The following BIN3 variants were observed in gnomAD, a reference collection of about 807,000 sequenced individuals.
BIN3 encodes bridging integrator 3.
BIN3 carries 41 observed loss-of-function variants against 38.2 expected under a neutral mutation model. That is an observed-to-expected ratio of 1.07 (90% CI 0.84 to 1.39). BIN3 has a LOEUF of 1.39. Ranked by LOEUF, BIN3 falls within the 40% of genes most tolerant of loss-of-function variation. The pLI is 0.00. For missense variants in BIN3, 361 were observed against 324.3 expected (o/e 1.11, Z -0.87); for synonymous variants, 145 against 122.6 (o/e 1.18, Z -1.21).
In BIN3 at chr8:22,621,066, A is replaced by G; in HGVS notation, c.*356T>C. On this transcript the variant is annotated 3_prime_UTR_variant, in exon 9 of 9. Coordinates refer to ENST00000276416, the MANE Select transcript of BIN3 (RefSeq NM_018688.6). ...GATGGGTCTTTTGGAGGTAGATTTG[A>G]TGCCCACAACGCATGCAAGGCTAAG... The G allele has an allele frequency of 5.0e-6, 1 of 199,914 alleles. No homozygotes were observed. Among genetic ancestry groups the G allele is most frequent in the East Asian group, 1.3e-4 (1 of 7,632 alleles). 12.4% of individuals were successfully genotyped at this position (199,914 alleles called of 1,614,324 possible).
intron 2 of BIN3, among the ~76,000 whole-genome samples, chr8:22,641,335 G>C (rs1018064408): frequency 6.6e-6 from 1 of 152,198 alleles, no homozygotes; most frequent in Non-Finnish European, 1.5e-5. Flanking sequence ...GCCCACGGTG[G>C]GAGGAAAGGG....
At chr8:22,645,066 A>G (rs924483391) in intron 1 of BIN3, among the ~76,000 whole-genome samples, 2 of 152,160 alleles carry the variant, frequency 1.3e-5, no homozygotes, top group African/African-American at 2.4e-5. Flanking sequence ...TCTGTCATTT[A>G]AAGAAAATGA....
intron 1 of BIN3, among the ~76,000 whole-genome samples, chr8:22,659,259 T>TA (rs1273391791): frequency 6.6e-6 from 1 of 152,220 alleles, no homozygotes; most frequent in Non-Finnish European, 1.5e-5. Context: ...TTCCAGTGCC[T>TA]ATGACCACAG....
chr8:22,663,209 T>C (rs1405133542), intron 1 of BIN3, among the ~76,000 whole-genome samples: 2 of 82,274 alleles, frequency 2.4e-5, no homozygotes. Context: ...CAAGTATAAG[T>C]GTGTGTGTGT....
intron 3 of BIN3, 46 bp from the exon 4 acceptor site, chr8:22,636,632 T>C: frequency 6.5e-7 from 1 of 1,540,568 alleles, no homozygotes; most frequent in Non-Finnish European, 8.8e-7. Context: ...TCCTTCCCCC[T>C]ACCTGAGCGA....
chr8:22,663,569 C>T (rs568283699), intron 1 of BIN3, among the ~76,000 whole-genome samples: 26 of 152,194 alleles, frequency 1.7e-4, no homozygotes, highest in African/African-American at 3.9e-4. Context: ...TTGGCCATGC[C>T]ACTTCCCTGC....
chr8:22,642,222 G>A (rs1229267343), intron 2 of BIN3, among the ~76,000 whole-genome samples: 1 of 152,050 alleles, frequency 6.6e-6, no homozygotes, highest in Non-Finnish European at 1.5e-5. Context: ...AGCCACAGCT[G>A]CTCCCCTCCC....
chr8:22,657,144 C>A (rs1803081525), intron 1 of BIN3, among the ~76,000 whole-genome samples: 1 of 152,210 alleles, frequency 6.6e-6, no homozygotes, highest in African/African-American at 2.4e-5. Context: ...TGATCTCATG[C>A]AGCTTATAGT....
At chr8:22,631,278 C>G (rs780161484) in intron 4 of BIN3, among the ~76,000 whole-genome samples, 24 of 152,194 alleles carry the variant, frequency 1.6e-4, no homozygotes, top group Admixed American at 9.8e-4. Flanking sequence ...CCCAGACACA[C>G]ACTGCAGCTG....
intron 8 of BIN3, chr8:22,622,491 C>A (rs997665683): frequency 4.6e-5 from 7 of 152,494 alleles, no homozygotes; most frequent in African/African-American, 1.7e-4. Flanking sequence ...CCCACCCTGC[C>A]CCCACTCCCT....
chr8:22,660,854 C>G (rs182197517), intron 1 of BIN3, among the ~76,000 whole-genome samples: 32 of 152,268 alleles, frequency 2.1e-4, no homozygotes, highest in Non-Finnish European at 2.2e-4. Flanking sequence ...CCCTGAGTAT[C>G]GCACCCTGAG....
At chr8:22,636,872 C>G (rs1169472700) in intron 3 of BIN3, 50 bp downstream of exon 3, 2 of 1,575,986 alleles carry the variant, frequency 1.3e-6, no homozygotes, top group Admixed American at 1.7e-5. Flanking sequence ...TGGCAGGGGG[C>G]CCTTGTCCCT....
intron 1 of BIN3, among the ~76,000 whole-genome samples, chr8:22,651,176 C>CT (rs1010425928): frequency 5.3e-4 from 80 of 151,708 alleles, no homozygotes; most frequent in Middle Eastern, 6.8e-3. Flanking sequence ...AACATGCATA[C>CT]TTTTTTTTTA....
chr8:22,628,432 A>C (rs1025274938), intron 6 of BIN3, among the ~76,000 whole-genome samples: 2 of 152,140 alleles, frequency 1.3e-5, no homozygotes, highest in East Asian at 3.9e-4. Flanking sequence ...GGGAGATCGT[A>C]TGTCAGCTGT....
intron 1 of BIN3, among the ~76,000 whole-genome samples, chr8:22,657,733 A>G (rs1483945365): frequency 5.3e-5 from 8 of 152,234 alleles, no homozygotes; most frequent in Admixed American, 4.6e-4. Flanking sequence ...GTGAGAGGAA[A>G]GGCAACACAA....
rs1802963530 is a variant in BIN3 at position 22,653,527 on chromosome 8, A to G, written c.9-8724T>C. Among the ~76,000 whole-genome samples, 3 of 152,228 alleles carry G rather than the reference A, an allele frequency of 2.0e-5. No individual in the cohort carries two copies. In the South Asian group the frequency reaches 6.2e-4, roughly 32 times the overall value. On this transcript the variant is annotated intron_variant, in intron 1 of 8. Transcript: ENST00000276416. ...AACCGTTACACATTTCCAACTCAGG[A>G]GCCTGTGATTTCTTGTTTTACTAAC...
intron 2 of BIN3, among the ~76,000 whole-genome samples, chr8:22,640,200 CAG>C (rs971502159): frequency 2.0e-5 from 3 of 150,888 alleles, no homozygotes; most frequent in African/African-American, 7.3e-5. Context: ...TTTTTTGAGA[CAG>C]AGTCTCACTC....
chr8:22,635,837 C>G (rs12676084), intron 4 of BIN3, among the ~76,000 whole-genome samples: 1 of 151,838 alleles, frequency 6.6e-6, no homozygotes, highest in Non-Finnish European at 1.5e-5. Context: ...TCTCTCCCGG[C>G]TGCTCGTCGC....
chr8:22,662,088 C>T lies in BIN3; in HGVS notation c.8+6956G>A, dbSNP rs139947631. 4.1e-3 allele frequency among the ~76,000 whole-genome samples: 620 copies of T among 152,336 alleles called. 4 individuals are homozygous for T. The highest frequency in any genetic ancestry group is 0.027 in the Middle Eastern group (8 of 294). ...GGGATTACAGGCGTGAGCCAACACG[C>T]CCGGCCCATAACATATCATCATGTA... On this transcript the variant is annotated intron_variant, in intron 1 of 8. Transcript: ENST00000276416.
Sources: allele counts gnomAD v4.1 joint callset (sites outside exome capture counted in the v4.1 genomes callset), GRCh38; gene constraint gnomAD v4.1.1; transcripts MANE v1.5; gene names NCBI Gene and HGNC (gene_info 2026-07-23, HGNC 2026-07-21).